MRAP2: variants seen among roughly 807,000 people sequenced by gnomAD.
The protein encoded by MRAP2 is melanocortin 2 receptor accessory protein 2, also known as melanocortin-2 receptor accessory protein 2.
Under a neutral mutation model 17.4 loss-of-function variants are expected in MRAP2, and 20 were observed. That is an observed-to-expected ratio of 1.15 (90% CI 0.81 to 1.67). MRAP2 has a LOEUF of 1.67. Ranked by LOEUF, MRAP2 falls within the 40% of genes most tolerant of loss-of-function variation. MRAP2 has a pLI of 0.00. For missense variants in MRAP2, 238 were observed against 240.0 expected, an observed-to-expected ratio of 0.99 and a Z score of 0.05; for synonymous variants, 96 against 88.4, an observed-to-expected ratio of 1.09 and a Z score of -0.48.
Position 84,033,892 on chromosome 6 carries a change from G to A in MRAP2, c.-8+9G>A, listed in dbSNP as rs990285548. On this transcript the variant is annotated intron_variant, in intron 1 of 3. Transcript: ENST00000257776. The stretch of plus-strand genomic sequence containing the variant: ...CCGGGGCTAGCCAGCCGGTAACCAC[G>A]GGCGGGACAGGGCGCCCAGGGCGGA... 104 of 985,406 alleles carry A rather than the reference G, an allele frequency of 1.1e-4. 1 individual carries two copies. In the African/African-American group the frequency reaches 1.7e-3, roughly 16 times the overall value. 61.0% of individuals were successfully genotyped at this position (985,406 alleles called of 1,614,324 possible).
chr6:84,070,567 T>C (rs986161838), intron 3 of MRAP2, among the ~76,000 whole-genome samples: 2 of 152,184 alleles, frequency 1.3e-5, no homozygotes, highest in African/African-American at 4.8e-5. Context: ...ATGTGTATTT[T>C]GTGGTTGTTG....
intron 2 of MRAP2, among the ~76,000 whole-genome samples, chr6:84,056,102 A>T (rs1043608173): frequency 6.6e-6 from 1 of 152,226 alleles, no homozygotes; most frequent in African/African-American, 2.4e-5. Flanking sequence ...AACAGTTAAC[A>T]TGGTAGGCAG....
chr6:84,133,165 G>A, the MRAP2 span, among the ~76,000 whole-genome samples: 72 of 152,292 alleles, frequency 4.7e-4, no homozygotes, highest in African/African-American at 1.7e-3. Flanking sequence ...AGCAGAGGCT[G>A]CAGAACAGCA....
At chr6:84,123,777 T>C in the MRAP2 span, among the ~76,000 whole-genome samples, 1 of 151,904 alleles carries the variant, frequency 6.6e-6, no homozygotes, top group South Asian at 2.1e-4. Context: ...ATCAACTAAA[T>C]AAACAGATAA....
chr6:84,051,495 G>A (rs1157406316), intron 1 of MRAP2, among the ~76,000 whole-genome samples: 1 of 152,122 alleles, frequency 6.6e-6, no homozygotes, highest in Admixed American at 6.5e-5. Context: ...AGGCAGAGGT[G>A]GCAGTGAGCA....
At chr6:84,033,614 A>G, upstream of MRAP2, 1 of 915,066 alleles carries the variant, frequency 1.1e-6, no homozygotes, top group African/African-American at 1.8e-5. Flanking sequence ...AGGGATCTGC[A>G]AAGCTCACCT....
chr6:84,053,482 A>G lies in MRAP2; in HGVS notation c.-7-1830A>G, dbSNP rs2099490957. On this transcript the variant is annotated intron_variant, in intron 1 of 3. Transcript: ENST00000257776. Reference sequence around the variant, plus strand: ...TTGTCATAGTTTTATTTATTTGTCTAGGCACCGTGGCTCACAGTTGTAATC... The same window carrying G: ...TTGTCATAGTTTTATTTATTTGTCTGGGCACCGTGGCTCACAGTTGTAATC... Among the ~76,000 whole-genome samples, 8 of 152,152 alleles carry G rather than the reference A, an allele frequency of 5.3e-5. No homozygotes were observed. In the South Asian group the frequency reaches 1.4e-3, roughly 28 times the overall value.
chr6:84,105,085 T>G, the MRAP2 span, among the ~76,000 whole-genome samples: 1 of 152,156 alleles, frequency 6.6e-6, no homozygotes, highest in Non-Finnish European at 1.5e-5. Context: ...ATCAAAGCCA[T>G]TCAACAAGTC....
chr6:84,035,690 T>G (rs2099485787), intron 1 of MRAP2, among the ~76,000 whole-genome samples: 1 of 152,084 alleles, frequency 6.6e-6, no homozygotes, highest in Admixed American at 6.5e-5. Flanking sequence ...AGCTGCCCCC[T>G]TTCAGCCTTC....
the MRAP2 span, among the ~76,000 whole-genome samples, chr6:84,112,392 G>C: frequency 1.6e-4 from 25 of 152,164 alleles, no homozygotes; most frequent in African/African-American, 6.0e-4. Flanking sequence ...AATTTGCACA[G>C]GGGTGTTTAT....
upstream of MRAP2, chr6:84,033,683 C>T (rs990621767): frequency 6.2e-5 from 61 of 985,208 alleles, 1 homozygote; most frequent in East Asian, 1.1e-4. Context: ...GGAGGCGGCT[C>T]CCGCGCTGCA....
chr6:84,124,535 G>C, the MRAP2 span: 38,670 of 159,960 alleles, frequency 0.24, 10,734 homozygotes, highest in African/African-American at 0.7. Context: ...TGGGTACACA[G>C]AGACATAAAG....
chr6:84,071,282 C>G (rs182460999), intron 3 of MRAP2, among the ~76,000 whole-genome samples: 13 of 152,232 alleles, frequency 8.5e-5, no homozygotes, highest in African/African-American at 2.2e-4. Context: ...TTGGTTGTGG[C>G]GAATTCTCTC....
intron 1 of MRAP2, among the ~76,000 whole-genome samples, chr6:84,038,151 A>G (rs1168040911): frequency 6.6e-6 from 1 of 152,250 alleles, no homozygotes; most frequent in Non-Finnish European, 1.5e-5. Context: ...CATGGGAGGA[A>G]GGGCTGGCCT....
the MRAP2 span, among the ~76,000 whole-genome samples, chr6:84,105,231 T>C: frequency 1.3e-5 from 2 of 152,178 alleles, no homozygotes; most frequent in African/African-American, 2.4e-5. Flanking sequence ...CCCCACTCTA[T>C]AGGTACTAAT....
At chr6:84,072,649 G>A (rs1337026178) in intron 3 of MRAP2, among the ~76,000 whole-genome samples, 1 of 152,206 alleles carries the variant, frequency 6.6e-6, no homozygotes, top group African/African-American at 2.4e-5. Context: ...AGGAGTATAT[G>A]TCCTTTGTCT....
chr6:84,129,647 G>A, the MRAP2 span, among the ~76,000 whole-genome samples: 8 of 151,934 alleles, frequency 5.3e-5, no homozygotes, highest in South Asian at 2.1e-4. Flanking sequence ...TGTTCACTCC[G>A]GTTTTTGCTG....
At chr6:84,096,037 T>C in the MRAP2 span, among the ~76,000 whole-genome samples, 1 of 152,226 alleles carries the variant, frequency 6.6e-6, no homozygotes, top group Non-Finnish European at 1.5e-5. Flanking sequence ...ATAAAATCCA[T>C]ACTGGAGAGA....
chr6:84,111,271 C>G, the MRAP2 span, among the ~76,000 whole-genome samples: 1 of 152,056 alleles, frequency 6.6e-6, no homozygotes. Context: ...TGTGTCCTCT[C>G]TTATTTTCTT....
Sources: gnomAD v4.1 joint callset for allele counts (sites outside exome capture counted in the v4.1 genomes callset) on GRCh38, gnomAD v4.1.1 for gene constraint, MANE v1.5 for transcripts, NCBI Gene and HGNC (gene_info 2026-07-23, HGNC 2026-07-21) for gene names.